The following DDX4 variants were observed in gnomAD, a reference collection of about 807,000 sequenced individuals.
DDX4 encodes DEAD-box helicase 4.
DDX4 carries 25 observed loss-of-function variants against 100.0 expected under a neutral mutation model. That is an observed-to-expected ratio of 0.25 (90% CI 0.18 to 0.35). DDX4 has a LOEUF of 0.35. DDX4 is among the 10% of genes least tolerant of loss of function. The probability of loss-of-function intolerance (pLI) is 1.00; values close to 1 mark genes in which losing one functional copy is unlikely to be tolerated. For missense variants in DDX4, 635 were observed against 882.4 expected (o/e 0.72, Z 3.55); for synonymous variants, 259 against 275.7 (o/e 0.94, Z 0.60).
At chr5:55,813,807 T>A in intron 19 of DDX4, 35 bp downstream of exon 19, 1 of 1,525,564 alleles carries the variant, frequency 6.6e-7, no homozygotes, top group Non-Finnish European at 8.8e-7. Flanking sequence ...ATTAGGGGAA[T>A]GACTTCTATT....
chr5:55,765,437 TGGATTG>T (rs1740857060), intron 6 of DDX4, among the ~76,000 whole-genome samples: 1 of 142,970 alleles, frequency 7.0e-6, no homozygotes, highest in Non-Finnish European at 1.5e-5. Context: ...TATATATATA[TGGATTG>T]AATTCATTCA....
chr5:55,765,868 A>C (rs543956256), intron 6 of DDX4, among the ~76,000 whole-genome samples: 1 of 152,184 alleles, frequency 6.6e-6, no homozygotes, highest in South Asian at 2.1e-4. Flanking sequence ...GCAGTGGTAC[A>C]GTCTTGGCTC....
At chr5:55,815,226 TA>T (rs1744327886) in intron 20 of DDX4, 55 bp downstream of exon 20, 1 of 1,600,852 alleles carries the variant, frequency 6.2e-7, no homozygotes, top group African/African-American at 1.3e-5. Flanking sequence ...TTGTTGAAAG[TA>T]GACATTTTAT....
chr5:55,795,314 A>G (rs1381762688), intron 17 of DDX4, among the ~76,000 whole-genome samples: 1 of 152,170 alleles, frequency 6.6e-6, no homozygotes, highest in African/African-American at 2.4e-5. Context: ...CAGATGAATG[A>G]CTAGTAACTC....
At chr5:55,745,279 G>A (rs1375617362) in intron 2 of DDX4, among the ~76,000 whole-genome samples, 1 of 152,114 alleles carries the variant, frequency 6.6e-6, no homozygotes, top group Admixed American at 6.6e-5. Context: ...CTAGAGCAAA[G>A]ATTAGTGTTA....
At position 55,755,052 on chromosome 5, in the gene DDX4, A is replaced by C. The variant is rs184232919; in HGVS notation, c.128-5148A>C. On this transcript the variant is annotated intron_variant, in intron 3 of 21. Transcript: ENST00000505374. ...TCAATATGGTGAGAAATAGGGATCCAATTTTATTTCTGTCCCTATAACAAC... is the reference window on the plus strand; with the variant it reads ...TCAATATGGTGAGAAATAGGGATCCCATTTTATTTCTGTCCCTATAACAAC... 3.5e-3 allele frequency among the ~76,000 whole-genome samples: 532 copies of C among 152,222 alleles called. 6 individuals carry two copies. The highest frequency in any genetic ancestry group is 0.012 in the African/African-American group (497 of 41,554).
At chr5:55,794,322 G>A (rs1742783015) in intron 17 of DDX4, among the ~76,000 whole-genome samples, 2 of 151,350 alleles carry the variant, frequency 1.3e-5, no homozygotes, top group South Asian at 4.2e-4. Context: ...CAAGTAGCTG[G>A]GATTACAGGC....
chr5:55,756,419 A>G (rs1759940500), intron 3 of DDX4, among the ~76,000 whole-genome samples: 1 of 152,168 alleles, frequency 6.6e-6, no homozygotes, highest in African/African-American at 2.4e-5. Flanking sequence ...ACTTGGGGTA[A>G]TGAAAGGGAT....
chr5:55,796,554 A>G (rs1198643933), intron 17 of DDX4, among the ~76,000 whole-genome samples: 4 of 152,144 alleles, frequency 2.6e-5, no homozygotes, highest in South Asian at 2.1e-4. Flanking sequence ...TTCCATCTTC[A>G]TAGACTGATT....
chr5:55,805,863 CTT>C (rs1269871720), intron 18 of DDX4, among the ~76,000 whole-genome samples: 1 of 152,160 alleles, frequency 6.6e-6, no homozygotes, highest in Non-Finnish European at 1.5e-5. Flanking sequence ...AGGATTCCCT[CTT>C]TTTCTATTGA....
chr5:55,809,918 G>A lies in DDX4; in HGVS notation c.1616-3755G>A, dbSNP rs564017822. Among the ~76,000 whole-genome samples, 4 of 152,176 alleles carry A rather than the reference G, an allele frequency of 2.6e-5. No homozygotes were observed. The South Asian group carries it at 8.3e-4, about 32-fold the overall frequency. Reference sequence around the variant, plus strand: ...ACCTTCAAGACTTTGATAAATATAGGGAAACTCTATAGAATTACTTTATAG... The same window carrying A: ...ACCTTCAAGACTTTGATAAATATAGAGAAACTCTATAGAATTACTTTATAG... On this transcript the variant is annotated intron_variant, in intron 18 of 21. Coordinates refer to ENST00000505374, the MANE Select transcript of DDX4 (RefSeq NM_024415.3).
At chr5:55,808,760 G>T (rs572358435) in intron 18 of DDX4, among the ~76,000 whole-genome samples, 12 of 152,368 alleles carry the variant, frequency 7.9e-5, no homozygotes, top group African/African-American at 2.9e-4. Context: ...CTCCTTGGGG[G>T]TCAGGGACCC....
intron 16 of DDX4, among the ~76,000 whole-genome samples, chr5:55,792,307 T>A (rs1742626435): frequency 6.6e-6 from 1 of 151,938 alleles, no homozygotes; most frequent in African/African-American, 2.4e-5. Flanking sequence ...ATTCTCATTT[T>A]ATACACTAAT....
At chr5:55,744,710 A>G (rs1759163685) in intron 2 of DDX4, among the ~76,000 whole-genome samples, 1 of 152,212 alleles carries the variant, frequency 6.6e-6, no homozygotes. Context: ...GAGCAAAGAC[A>G]GTCTTCAGCT....
chr5:55,775,021 G>T (rs527290787), intron 7 of DDX4, among the ~76,000 whole-genome samples: 1 of 152,248 alleles, frequency 6.6e-6, no homozygotes, highest in South Asian at 2.1e-4. Flanking sequence ...ACAATTCCCT[G>T]TGTACTCCCT....
intron 18 of DDX4, among the ~76,000 whole-genome samples, chr5:55,806,552 A>C (rs533166866): frequency 6.6e-6 from 1 of 152,336 alleles, no homozygotes; most frequent in South Asian, 2.1e-4. Flanking sequence ...TTCAAAGAAC[A>C]TCTTTATTTC....
At chr5:55,742,491 A>T (rs527337695) in intron 2 of DDX4, among the ~76,000 whole-genome samples, 1 of 152,244 alleles carries the variant, frequency 6.6e-6, no homozygotes, top group Non-Finnish European at 1.5e-5. Flanking sequence ...AATTGTTGAG[A>T]TAAGAAAATA....
chr5:55,764,832 A>G (rs1740789024), intron 6 of DDX4, among the ~76,000 whole-genome samples: 2 of 152,180 alleles, frequency 1.3e-5, no homozygotes, highest in African/African-American at 4.8e-5. Flanking sequence ...AGGCAGGCTA[A>G]GTGAGAATGC....
chr5:55,767,832 A>T, intron 6 of DDX4, 49 bp from the exon 7 acceptor site: 8 of 1,411,534 alleles, frequency 5.7e-6, no homozygotes, highest in Non-Finnish European at 8.0e-6. Context: ...TATATATTGC[A>T]TCATTTAAGT....
Sources: gnomAD v4.1 joint callset for allele counts (sites outside exome capture counted in the v4.1 genomes callset) on GRCh38, gnomAD v4.1.1 for gene constraint, MANE v1.5 for transcripts, NCBI Gene and HGNC (gene_info 2026-07-23, HGNC 2026-07-21) for gene names.